RALGAPB: variants seen among roughly 807,000 people sequenced by gnomAD.
RALGAPB encodes the protein Ral GTPase activating protein non-catalytic subunit beta, also known as ral GTPase-activating protein subunit beta.
RALGAPB carries 25 observed loss-of-function variants against 161.1 expected under a neutral mutation model. The ratio of observed to expected loss-of-function variants is 0.16; its 90% CI spans 0.11 to 0.22. The LOEUF (loss-of-function observed/expected upper bound fraction) is 0.22, where lower values mean the gene tolerates loss of function less well. Ranked by LOEUF, RALGAPB falls within the 10% of genes least tolerant of loss-of-function variation. The pLI, the probability that RALGAPB is intolerant of heterozygous loss-of-function variation, is 1.00. For synonymous variants in RALGAPB, 629 were observed against 626.1 expected (o/e 1.00, Z -0.07); for missense variants, 1,391 against 1,815.2 (o/e 0.77, Z 4.25).
At chr20:38,504,042 A>T (rs1455578274) in intron 5 of RALGAPB, among the ~76,000 whole-genome samples, 1 of 152,204 alleles carries the variant, frequency 6.6e-6, no homozygotes, top group East Asian at 1.9e-4. Context: ...CTGTCAAACT[A>T]CCAGTGCCAT....
intron 13 of RALGAPB, among the ~76,000 whole-genome samples, chr20:38,528,014 T>C (rs1292087462): frequency 1.3e-5 from 2 of 152,232 alleles, no homozygotes; most frequent in African/African-American, 4.8e-5. Context: ...TGAAGCTTAC[T>C]TCAGGGTATG....
At chr20:38,571,028 T>TAA (rs1167095494) in intron 28 of RALGAPB, among the ~76,000 whole-genome samples, 181 bp downstream of exon 28, 1 of 152,204 alleles carries the variant, frequency 6.6e-6, no homozygotes, top group Admixed American at 6.5e-5. Flanking sequence ...AGCATGGATT[T>TAA]TTTTAAAACC....
chr20:38,534,234 G>A (rs977179958), intron 15 of RALGAPB, among the ~76,000 whole-genome samples: 1 of 151,350 alleles, frequency 6.6e-6, no homozygotes, highest in Non-Finnish European at 1.5e-5. Context: ...ATTATTGTTT[G>A]TTTCAGCATT....
intron 6 of RALGAPB, among the ~76,000 whole-genome samples, chr20:38,512,019 C>T (rs2085976403): frequency 6.6e-6 from 1 of 152,118 alleles, no homozygotes; most frequent in South Asian, 2.1e-4. Context: ...ATGTCTTTTT[C>T]TTTTTTTAGA....
chr20:38,565,432 C>T lies in RALGAPB; in HGVS notation c.3771C>T (p.Ala1257=), dbSNP rs1172338312. The change falls in exon 25 of 30, where the codon GCC becomes GCT. Residue 1257 remains alanine, a synonymous_variant. Transcript: ENST00000262879. ...AGAAGGTGCTGTATTATGCTGATGC[C>T]CTTACAGAAATTGCTTTTGTGGTTC... ...GQKKVLYYAD[A]LTEIAFVVPS... is the part of the protein sequence containing the mutation. The T allele has an allele frequency of 6.2e-7, 1 of 1,613,250 alleles. No homozygotes were observed. Among genetic ancestry groups the T allele is most frequent in the East Asian group, 2.2e-5 (1 of 44,816 alleles).
intron 24 of RALGAPB, among the ~76,000 whole-genome samples, chr20:38,563,500 A>C (rs2087865242): frequency 6.6e-6 from 1 of 152,212 alleles, no homozygotes; most frequent in African/African-American, 2.4e-5. Flanking sequence ...TCCTCTGAGG[A>C]ACTGTAATCA....
chr20:38,543,758 G>A (rs1601002019), intron 18 of RALGAPB, among the ~76,000 whole-genome samples: 1 of 152,206 alleles, frequency 6.6e-6, no homozygotes, highest in African/African-American at 2.4e-5. Flanking sequence ...TACATCCTCC[G>A]CTGTTCAGTG....
chr20:38,534,025 G>A (rs2086731605), intron 15 of RALGAPB, among the ~76,000 whole-genome samples: 1 of 151,006 alleles, frequency 6.6e-6, no homozygotes, highest in Non-Finnish European at 1.5e-5. Flanking sequence ...TGTAATCCCA[G>A]TTACTCTGGA....
At chr20:38,488,740 CT>C in intron 2 of RALGAPB, 122 bp downstream of exon 2, 1 of 925,102 alleles carries the variant, frequency 1.1e-6, no homozygotes. Context: ...ATAACGTCAA[CT>C]TTTTAATGGA....
At chr20:38,497,245 T>TA (rs1216260150) in intron 3 of RALGAPB, 108 bp from the exon 4 acceptor site, 1 of 978,638 alleles carries the variant, frequency 1.0e-6, no homozygotes, top group African/African-American at 1.6e-5. Flanking sequence ...CTGATAATAT[T>TA]AGGGAGCTTC....
Position 38,492,962 on chromosome 20 carries a change from A to G in RALGAPB, c.219A>G (p.Gly73=), listed in dbSNP as rs1340075760. The change falls in exon 3 of 30, where the codon GGA becomes GGG. Residue 73 remains glycine, a synonymous_variant. Transcript: ENST00000262879. ...VKWTMEVICY[G]LTLPLDGETV... ...GGACCATGGAAGTAATTTGCTATGG[A>G]CTGACCCTTCCATTGGATGGAGAGA... 2.5e-6 allele frequency: 4 copies of G among 1,611,940 alleles called. No homozygotes were observed. Among genetic ancestry groups the G allele is most frequent in the Non-Finnish European group, 3.4e-6 (4 of 1,178,264 alleles).
chr20:38,490,894 C>G (rs2085260251), intron 2 of RALGAPB, among the ~76,000 whole-genome samples: 1 of 152,228 alleles, frequency 6.6e-6, no homozygotes, highest in African/African-American at 2.4e-5. Flanking sequence ...ATCCACAGTC[C>G]TTGGCCTCCC....
chr20:38,538,406 C>T lies in RALGAPB; in HGVS notation c.2380-1370C>T, dbSNP rs565883655. On this transcript the variant is annotated intron_variant, in intron 16 of 29. Coordinates refer to ENST00000262879, the MANE Select transcript of RALGAPB (RefSeq NM_020336.4). ...GACCCTAAAGATGAGATACTATTCG[C>T]CATGCCCATCTCAGGACAGATGGTT... 339 of 189,716 alleles carry T rather than the reference C, an allele frequency of 1.8e-3. 2 individuals carry two copies. The highest frequency in any genetic ancestry group is 7.1e-3 in the African/African-American group (301 of 42,620). The allele number at this position is 189,716 out of a possible 1,614,324, so 11.8% of individuals were successfully genotyped here.
rs2145473758 is a variant in RALGAPB, at chr20:38,558,451, G to T, written c.3529G>T (p.Glu1177Ter). Residue 1177 changes from glutamate to a stop codon, truncating the protein, a stop_gained and splice_region_variant, in exon 23 of 30, where the codon GAG (glutamate) becomes TAG (stop). Coordinates refer to ENST00000262879, the MANE Select transcript of RALGAPB (RefSeq NM_020336.4). LOFTEE classifies it high-confidence loss of function. Reference protein sequence around the residue: ...YMKPGQKTNQEILKNVESSRT... With the variant: ...YMKPGQKTNQ ...GAAGCCAGGTCAGAAAACGAACCAAGAGGTAAGAGTTACGAATTTTTTTTT... is the reference window on the plus strand; with the variant it reads ...GAAGCCAGGTCAGAAAACGAACCAATAGGTAAGAGTTACGAATTTTTTTTT... 6.4e-7 allele frequency: 1 copy of T among 1,569,442 alleles called. No homozygotes were observed. Among genetic ancestry groups the T allele is most frequent in the South Asian group, 1.2e-5 (1 of 82,996 alleles).
intron 1 of RALGAPB, among the ~76,000 whole-genome samples, chr20:38,481,824 C>A (rs529378250): frequency 1.3e-5 from 2 of 152,062 alleles, no homozygotes; most frequent in Non-Finnish European, 2.9e-5. Context: ...CTTGGTGGTC[C>A]CCGCCAGTGT....
At chr20:38,490,011 C>CTT (rs1279117242) in intron 2 of RALGAPB, among the ~76,000 whole-genome samples, 6 of 140,568 alleles carry the variant, frequency 4.3e-5, no homozygotes, top group Non-Finnish European at 4.7e-5. Context: ...TGGAATTATA[C>CTT]TTTTTTTTTT....
chr20:38,497,300 C>T, intron 3 of RALGAPB, 53 bp from the exon 4 acceptor site: 1 of 1,542,050 alleles, frequency 6.5e-7, no homozygotes, highest in Admixed American at 1.8e-5. Flanking sequence ...TGTCCTGAAG[C>T]TGTTGCTGTC....
chr20:38,551,469 C>G (rs2087374297), intron 21 of RALGAPB, among the ~76,000 whole-genome samples: 2 of 152,116 alleles, frequency 1.3e-5, no homozygotes, highest in South Asian at 4.1e-4. Flanking sequence ...ACTGTAGTGA[C>G]ATGATCAGAC....
chr20:38,552,376 G>A (rs1305088205), intron 21 of RALGAPB, among the ~76,000 whole-genome samples: 2 of 152,106 alleles, frequency 1.3e-5, no homozygotes, highest in African/African-American at 4.8e-5. Context: ...CCTGACCTCA[G>A]GTGATCCACC....
Sources: gnomAD v4.1 joint callset for allele counts (sites outside exome capture counted in the v4.1 genomes callset) on GRCh38, gnomAD v4.1.1 for gene constraint, MANE v1.5 for transcripts, NCBI Gene and HGNC (gene_info 2026-07-23, HGNC 2026-07-21) for gene names.